Variants in CLEC19A observed in about 807,000 individuals in gnomAD.
CLEC19A encodes the protein C-type lectin domain containing 19A.
A neutral mutation model predicts 26.1 loss-of-function variants in CLEC19A; 21 were observed. That is an observed-to-expected ratio of 0.80 (90% CI 0.57 to 1.16). The LOEUF (loss-of-function observed/expected upper bound fraction) is 1.16, where lower values mean the gene tolerates loss of function less well. Ranked by LOEUF, CLEC19A falls within the 50% of genes most tolerant of loss-of-function variation. The pLI is 0.00. For missense variants in CLEC19A, 224 were observed against 227.6 expected, an observed-to-expected ratio of 0.98 and a Z score of 0.10; for synonymous variants, 89 against 88.6, an observed-to-expected ratio of 1.00 and a Z score of -0.03.
chr16:19,292,702 C>T (rs1403715750), intron 1 of CLEC19A, among the ~76,000 whole-genome samples: 2 of 152,176 alleles, frequency 1.3e-5, no homozygotes, highest in African/African-American at 4.8e-5. Context: ...ACCTCATCTT[C>T]CCTGAATAAG....
intron 1 of CLEC19A, among the ~76,000 whole-genome samples, chr16:19,290,299 A>C (rs978844998): frequency 1.3e-5 from 2 of 151,982 alleles, no homozygotes; most frequent in African/African-American, 4.8e-5. Flanking sequence ...TTTCCAGAGC[A>C]ACAGCCCCTT....
intron 2 of CLEC19A, among the ~76,000 whole-genome samples, chr16:19,301,736 G>GTTTTTT (rs1171248968): frequency 0.019 from 1,543 of 80,822 alleles, 62 homozygotes; most frequent in Non-Finnish European, 0.025. Context: ...GGTTTTTTTG[G>GTTTTTT]TTTTTTTTTT....
chr16:19,299,272 G>C (rs1328087027), intron 2 of CLEC19A, among the ~76,000 whole-genome samples: 1 of 152,180 alleles, frequency 6.6e-6, no homozygotes, highest in African/African-American at 2.4e-5. Context: ...AAGAATATGA[G>C]AAATCATAAC....
intron 2 of CLEC19A, among the ~76,000 whole-genome samples, chr16:19,301,745 T>G (rs1460760782): frequency 5.9e-5 from 7 of 118,804 alleles, no homozygotes; most frequent in Middle Eastern, 3.7e-3. Context: ...GGTTTTTTTT[T>G]TTTTTTTTTT....
At chr16:19,304,605 G>T (rs2143010958) in intron 3 of CLEC19A, among the ~76,000 whole-genome samples, 1 of 152,182 alleles carries the variant, frequency 6.6e-6, no homozygotes, top group South Asian at 2.1e-4. Flanking sequence ...GGAGGCTGAG[G>T]CAGGAGAATT....
chr16:19,288,864 A>G (rs1897525193), intron 1 of CLEC19A, among the ~76,000 whole-genome samples: 1 of 152,208 alleles, frequency 6.6e-6, no homozygotes, highest in Admixed American at 6.5e-5. Context: ...GGGCTTCAGA[A>G]GCGTAGAAGG....
At position 19,309,172 on chromosome 16, in the gene CLEC19A, C is replaced by T. The variant is rs1898017232; in HGVS notation, c.*89C>T. 2.1e-6 allele frequency: 2 copies of T among 941,822 alleles called. No individual in the cohort carries two copies. The highest frequency in any genetic ancestry group is 3.0e-5 in the South Asian group (2 of 66,170). The allele number at this position is 941,822 out of a possible 1,614,324, so 58.3% of individuals were successfully genotyped here. On this transcript the variant is annotated 3_prime_UTR_variant, in exon 5 of 5. Transcript: ENST00000636231. ...GAATTGACATTGAATACATGTAAAA[C>T]ATACATAGGAAGTAAATCTCTTGGA...
chr16:19,295,505 G>A (rs557039378), intron 1 of CLEC19A, among the ~76,000 whole-genome samples: 35 of 152,200 alleles, frequency 2.3e-4, no homozygotes, highest in African/African-American at 8.4e-4. Flanking sequence ...ACCCAGCCAG[G>A]ACTCTTGATT....
rs375896859 is a variant in CLEC19A, at chr16:19,299,912, C to T, written c.254+1074C>T. Among the ~76,000 whole-genome samples the T allele has an allele frequency of 2.1e-4, 32 of 151,842 alleles. 1 individual carries two copies. Among genetic ancestry groups the T allele is most frequent in the African/African-American group, 7.0e-4 (29 of 41,362 alleles). On this transcript the variant is annotated intron_variant, in intron 2 of 4. Transcript: ENST00000636231. The stretch of plus-strand genomic sequence containing the variant: ...GGGGTTGGTTTTTTATGTGTAGAGC[C>T]GCTGACTTTTGTTAAGAATAAGGAA...
chr16:19,290,020 T>C (rs1261776549), intron 1 of CLEC19A, among the ~76,000 whole-genome samples: 1 of 152,070 alleles, frequency 6.6e-6, no homozygotes, highest in Non-Finnish European at 1.5e-5. Flanking sequence ...GTCCCAAGAC[T>C]GATCTGGGCA....
In CLEC19A at chr16:19,285,866, A is replaced by C; in HGVS notation, c.15A>C (p.Thr5=). Residue 5 remains threonine (T), a synonymous_variant, in exon 1 of 5, where the codon ACA becomes ACC. Coordinates refer to ENST00000636231, the MANE Select transcript of CLEC19A (RefSeq NM_001256720.2). Reference sequence around the variant, plus strand: ...AGGAGCTCAGGATGCAAAGGTGGACACTGTGGGCTGCAGCCTTCCTGACCC... The same window carrying C: ...AGGAGCTCAGGATGCAAAGGTGGACCCTGTGGGCTGCAGCCTTCCTGACCC... MQRW[T]LWAAAFLTLH... is the part of the protein sequence containing the mutation. The C allele has an allele frequency of 6.4e-7, 1 of 1,550,562 alleles. No homozygotes were observed. The highest frequency in any genetic ancestry group is 8.7e-7 in the Non-Finnish European group (1 of 1,146,980).
chr16:19,287,582 A>G (rs1260306863), intron 1 of CLEC19A, among the ~76,000 whole-genome samples: 1 of 152,210 alleles, frequency 6.6e-6, no homozygotes, highest in Non-Finnish European at 1.5e-5. Flanking sequence ...ATATCCTTGC[A>G]GACTGCGCCT....
rs746066762 is a variant in CLEC19A, at chr16:19,287,660, C to T, written c.88+1721C>T. Among the ~76,000 whole-genome samples, 10 of 152,136 alleles carry T rather than the reference C, an allele frequency of 6.6e-5. No individual in the cohort carries two copies. The East Asian group carries it at 9.6e-4, about 15-fold the overall frequency. On this transcript the variant is annotated intron_variant, in intron 1 of 4. Coordinates refer to ENST00000636231, the MANE Select transcript of CLEC19A (RefSeq NM_001256720.2). ...AAGGGGCCAAGACTGAGTTTGAAAG[C>T]GGGAGTAACTAGGGGTATTTTCTGT...
chr16:19,304,236 T>A (rs1897901592), intron 3 of CLEC19A, 81 bp downstream of exon 3: 1 of 1,195,646 alleles, frequency 8.4e-7, no homozygotes, highest in Non-Finnish European at 1.2e-6. Flanking sequence ...TTCACATCAG[T>A]GCCAGGTCAC....
intron 4 of CLEC19A, among the ~76,000 whole-genome samples, chr16:19,308,023 C>T (rs1437073488): frequency 1.3e-5 from 2 of 152,158 alleles, no homozygotes; most frequent in East Asian, 3.8e-4. Flanking sequence ...AAGTGCAAGC[C>T]CCTTCCACAG....
At chr16:19,301,724 C>T (rs1469705931) in intron 2 of CLEC19A, among the ~76,000 whole-genome samples, 3 of 96,778 alleles carry the variant, frequency 3.1e-5, no homozygotes, top group Non-Finnish European at 6.3e-5. Context: ...ACACCATGCC[C>T]AGGTTTTTTT....
rs1897893719 is a variant in CLEC19A at position 19,304,089 on chromosome 16, C to T, written c.282C>T (p.Asp94=). The T allele has an allele frequency of 6.4e-7, 1 of 1,550,486 alleles. No homozygotes were observed. Among genetic ancestry groups the T allele is most frequent in the East Asian group, 2.4e-5 (1 of 40,918 alleles). ...HSWEENVFVY[D]LVNSCVPGIP... is the part of the protein sequence containing the mutation. ...GGGAGGAGAATGTCTTTGTATATGACCTCGTGAACAGCTGTGTTCCCGGCA... is the reference window on the plus strand; with the variant it reads ...GGGAGGAGAATGTCTTTGTATATGATCTCGTGAACAGCTGTGTTCCCGGCA... Residue 94 remains aspartate (D), a synonymous_variant, in exon 3 of 5, where the codon GAC becomes GAT. Transcript: ENST00000636231.
chr16:19,309,201 A>C lies in CLEC19A; in HGVS notation c.*118A>C. On this transcript the variant is annotated 3_prime_UTR_variant, in exon 5 of 5. Transcript: ENST00000636231. ...CATAGGAAGTAAATCTCTTGGACAG[A>C]GATTTTAAACAAGCAGATCTTAATT... 1.3e-6 allele frequency: 1 copy of C among 769,506 alleles called. No individual in the cohort carries two copies. Among genetic ancestry groups the C allele is most frequent in the South Asian group, 2.0e-5 (1 of 51,028 alleles). 47.7% of individuals were successfully genotyped at this position (769,506 alleles called of 1,614,324 possible). A position where few individuals can be genotyped will look rare whatever the true frequency, so the allele number is the denominator to read the frequency against.
Position 19,298,710 on chromosome 16 carries a change from G to T in CLEC19A, c.126G>T (p.Leu42=). Residue 42 remains leucine, a synonymous_variant, in exon 2 of 5, where the codon CTG becomes CTT. Coordinates refer to ENST00000636231, the MANE Select transcript of CLEC19A (RefSeq NM_001256720.2). ...PELPLPSLCP[L]FWMEFKGHCY... ...TGCCCCTGCCTTCCCTGTGCCCCCT[G>T]TTCTGGATGGAGTTCAAAGGCCACT... 6.4e-7 allele frequency: 1 copy of T among 1,551,130 alleles called. No individual in the cohort carries two copies. The highest frequency in any genetic ancestry group is 1.7e-4 in the Middle Eastern group (1 of 5,996).
Sources: gnomAD v4.1 joint callset for allele counts (sites outside exome capture counted in the v4.1 genomes callset) on GRCh38, gnomAD v4.1.1 for gene constraint, MANE v1.5 for transcripts, NCBI Gene and HGNC (gene_info 2026-07-23, HGNC 2026-07-21) for gene names.